Variants in DPP10 observed in about 807,000 individuals in gnomAD.
The protein encoded by DPP10 is inactive dipeptidyl peptidase 10.
A neutral mutation model predicts 120.9 loss-of-function variants in DPP10; 33 were observed. That is an observed-to-expected ratio of 0.27 (90% confidence interval 0.21 to 0.37). The LOEUF is 0.37. Ranked by LOEUF, DPP10 falls within the 10% of genes least tolerant of loss-of-function variation. DPP10 has a pLI of 1.00. For missense variants in DPP10, 816 were observed against 942.8 expected (o/e 0.87, Z 1.76); for synonymous variants, 337 against 326.1 (o/e 1.03, Z -0.36).
intron 1 of DPP10, among the ~76,000 whole-genome samples, chr2:114,563,580 A>G (rs1180153425): frequency 6.6e-6 from 1 of 152,144 alleles, no homozygotes; most frequent in African/African-American, 2.4e-5. Context: ...GCACATGTAA[A>G]CAATATTCTA....
intron 3 of DPP10, among the ~76,000 whole-genome samples, chr2:115,488,598 GA>G: frequency 2.5e-5 from 1 of 40,022 alleles, no homozygotes; most frequent in Non-Finnish European, 5.0e-5. Context: ...GATGAAATTG[GA>G]AACCATCATT....
chr2:115,708,490 G>A (rs1178364455), intron 7 of DPP10, among the ~76,000 whole-genome samples: 1 of 151,940 alleles, frequency 6.6e-6, no homozygotes, highest in Admixed American at 6.6e-5. Flanking sequence ...CCTAATCACT[G>A]TTTCTAACAT....
intron 1 of DPP10, among the ~76,000 whole-genome samples, chr2:114,878,889 A>G (rs1339177839): frequency 1.3e-5 from 2 of 152,156 alleles, no homozygotes; most frequent in African/African-American, 4.8e-5. Flanking sequence ...GTGCTACAAT[A>G]AACATGGGAT....
At chr2:115,542,890 A>G (rs2079256238) in intron 5 of DPP10, among the ~76,000 whole-genome samples, 1 of 152,024 alleles carries the variant, frequency 6.6e-6, no homozygotes, top group South Asian at 2.1e-4. Flanking sequence ...TGAATATTTT[A>G]TAATAGAAAA....
At chr2:115,767,939 G>T (rs557542115) in intron 12 of DPP10, among the ~76,000 whole-genome samples, 1 of 152,200 alleles carries the variant, frequency 6.6e-6, no homozygotes, top group Admixed American at 6.5e-5. Flanking sequence ...GCAGATGTTT[G>T]CATGTTCTTT....
intron 1 of DPP10, among the ~76,000 whole-genome samples, chr2:114,722,477 A>G (rs1480680840): frequency 6.6e-6 from 1 of 152,012 alleles, no homozygotes; most frequent in Admixed American, 6.5e-5. Flanking sequence ...AAAAACTCAG[A>G]TCTTAAAACA....
rs201679504 is a variant in DPP10, at chr2:114,661,170, CAGTT to C, written c.60+218333_60+218336del. ...AACAATTAAAAAAAAATCTTTCAGT[CAGTT>C]GAGTGTTCTGGAATGCTAAAATAAT... On this transcript the variant is annotated intron_variant, in intron 1 of 25. Transcript: ENST00000410059. 4.7e-4 allele frequency among the ~76,000 whole-genome samples: 72 copies of C among 152,232 alleles called. No homozygotes were observed. The East Asian group carries it at 0.012, about 26-fold the overall frequency.
intron 3 of DPP10, among the ~76,000 whole-genome samples, chr2:115,350,210 GATAAT>G (rs2063937428): frequency 6.6e-6 from 1 of 151,958 alleles, no homozygotes; most frequent in African/African-American, 2.4e-5. Flanking sequence ...AATATGTGCA[GATAAT>G]ATATTAATTG....
At chr2:115,435,161 T>G (rs2071380696) in intron 3 of DPP10, among the ~76,000 whole-genome samples, 1 of 151,842 alleles carries the variant, frequency 6.6e-6, no homozygotes, top group Non-Finnish European at 1.5e-5. Flanking sequence ...TGCAGATATC[T>G]CTTCAACATG....
intron 5 of DPP10, among the ~76,000 whole-genome samples, chr2:115,643,929 G>T (rs2087000540): frequency 6.6e-6 from 1 of 152,116 alleles, no homozygotes; most frequent in African/African-American, 2.4e-5. Flanking sequence ...ACTTAAAAAT[G>T]TTGAATGTGG....
At chr2:115,691,969 A>G (rs1490411268) in intron 7 of DPP10, among the ~76,000 whole-genome samples, 1 of 152,088 alleles carries the variant, frequency 6.6e-6, no homozygotes, top group African/African-American at 2.4e-5. Context: ...TATTTATTTA[A>G]TATATATCAA....
At chr2:114,886,108 T>C (rs1393773972) in intron 1 of DPP10, among the ~76,000 whole-genome samples, 1 of 152,210 alleles carries the variant, frequency 6.6e-6, no homozygotes, top group African/African-American at 2.4e-5. Flanking sequence ...TGGACAAATT[T>C]AAAACAACAC....
chr2:114,480,239 C>T (rs2104671406), intron 1 of DPP10, among the ~76,000 whole-genome samples: 1 of 151,066 alleles, frequency 6.6e-6, no homozygotes, highest in South Asian at 2.1e-4. Flanking sequence ...GAAATAGGAA[C>T]ACTTTTACAC....
intron 1 of DPP10, among the ~76,000 whole-genome samples, chr2:114,807,624 T>G (rs1001218261): frequency 2.0e-5 from 3 of 152,216 alleles, no homozygotes; most frequent in African/African-American, 7.2e-5. Flanking sequence ...CATTGTTTAT[T>G]ATTTTTGTAT....
intron 1 of DPP10, among the ~76,000 whole-genome samples, chr2:114,767,207 CAAAAAAAAAAAAA>C (rs5833559): frequency 9.1e-5 from 3 of 33,060 alleles, no homozygotes; most frequent in African/African-American, 3.7e-4. Flanking sequence ...AGGATAAAAG[CAAAAAAAAAAAAA>C]AAAAAAAAAA....
intron 1 of DPP10, among the ~76,000 whole-genome samples, chr2:114,569,220 CCT>C (rs1689436193): frequency 1.3e-5 from 2 of 151,688 alleles, no homozygotes; most frequent in South Asian, 2.1e-4. Context: ...TACTAATTCA[CCT>C]CTTGTGCTTG....
chr2:114,505,786 C>T (rs1310703222), intron 1 of DPP10, among the ~76,000 whole-genome samples: 1 of 152,210 alleles, frequency 6.6e-6, no homozygotes, highest in Non-Finnish European at 1.5e-5. Flanking sequence ...TCTTCTCGGA[C>T]TCTCCAGCTC....
chr2:115,522,591 T>C (rs993697200), intron 4 of DPP10, among the ~76,000 whole-genome samples: 1 of 152,212 alleles, frequency 6.6e-6, no homozygotes, highest in Non-Finnish European at 1.5e-5. Context: ...ATCACCTGCA[T>C]ATTTGCTTTA....
chr2:114,889,650 A>C (rs796392082), intron 1 of DPP10, among the ~76,000 whole-genome samples: 12 of 152,036 alleles, frequency 7.9e-5, no homozygotes, highest in African/African-American at 2.9e-4. Context: ...TTGAGTTTTT[A>C]AGGGAAGCCC....
Sources: allele counts gnomAD v4.1 joint callset (sites outside exome capture counted in the v4.1 genomes callset), GRCh38; gene constraint gnomAD v4.1.1; transcripts MANE v1.5; gene names NCBI Gene and HGNC (gene_info 2026-07-23, HGNC 2026-07-21).